The following CBL variants were observed in gnomAD, a reference collection of about 807,000 sequenced individuals.
CBL encodes Cbl proto-oncogene, also known as E3 ubiquitin-protein ligase CBL.
CBL carries 45 observed loss-of-function variants against 96.9 expected under a neutral mutation model. That is an observed-to-expected ratio of 0.46 (90% CI 0.37 to 0.60). The LOEUF (loss-of-function observed/expected upper bound fraction) is 0.60, where lower values mean the gene tolerates loss of function less well. CBL is among the 20% of genes least tolerant of loss of function. The pLI, the probability that CBL is intolerant of heterozygous loss-of-function variation, is 0.00. For synonymous variants in CBL, 420 were observed against 426.8 expected (o/e 0.98, Z 0.20); for missense variants, 1,024 against 1,143.5 (o/e 0.90, Z 1.51).
Position 119,301,730 on chromosome 11 carries a change from T to C in CBL, c.*1949T>C, listed in dbSNP as rs902721270. ...GGCATAAAGCGGCAAAGCCCACCAT[T>C]AGGTGAGGCGGTCCCGAGTTGAGGT... On this transcript the variant is annotated 3_prime_UTR_variant, in exon 16 of 16. Transcript: ENST00000264033. 1.3e-5 allele frequency: 3 copies of C among 233,146 alleles called. No homozygotes were observed. The highest frequency in any genetic ancestry group is 6.6e-5 in the African/African-American group (3 of 45,336). 14.4% of individuals were successfully genotyped at this position (233,146 alleles called of 1,614,324 possible). A position where few individuals can be genotyped will look rare whatever the true frequency, so the allele number is the denominator to read the frequency against.
At chr11:119,208,430 A>G (rs923814934) in intron 1 of CBL, among the ~76,000 whole-genome samples, 1 of 148,458 alleles carries the variant, frequency 6.7e-6, no homozygotes, top group Non-Finnish European at 1.5e-5. Flanking sequence ...CGCTCTTGTT[A>G]CCCAGGCTGG....
At position 119,307,257 on chromosome 11, in the gene CBL, C is replaced by T. The variant is rs955033895; in HGVS notation, c.*7476C>T. 3 of 232,522 alleles carry T rather than the reference C, an allele frequency of 1.3e-5. No individual in the cohort carries two copies. Among genetic ancestry groups the T allele is most frequent in the Non-Finnish European group, 1.7e-5 (2 of 117,346 alleles). 14.4% of individuals were successfully genotyped at this position (232,522 alleles called of 1,614,324 possible). A position where few individuals can be genotyped will look rare whatever the true frequency, so the allele number is the denominator to read the frequency against. On this transcript the variant is annotated 3_prime_UTR_variant, in exon 16 of 16. Transcript: ENST00000264033. ...TGCATGCCTTGTCTCCTGCAAAAGACAGAATGTTTCACAATTCCCAGGTAA... is the reference window on the plus strand; with the variant it reads ...TGCATGCCTTGTCTCCTGCAAAAGATAGAATGTTTCACAATTCCCAGGTAA...
rs1391209035 is a variant in CBL at position 119,307,785 on chromosome 11, A to G, written c.*8004A>G. The G allele has an allele frequency of 4.6e-6, 1 of 216,766 alleles. No individual in the cohort carries two copies. The highest frequency in any genetic ancestry group is 9.3e-6 in the Non-Finnish European group (1 of 107,474). The allele number at this position is 216,766 out of a possible 1,614,324, so 13.4% of individuals were successfully genotyped here. A position where few individuals can be genotyped will look rare whatever the true frequency, so the allele number is the denominator to read the frequency against. On this transcript the variant is annotated 3_prime_UTR_variant, in exon 16 of 16. Transcript: ENST00000264033. ...TGCTTTCTCCAGAATGAAGAGTCCC[A>G]ATTTGTATATCAGTGTTAAGAAGAA...
Position 119,273,867 on chromosome 11 carries a change from G to A in CBL, c.591-1G>A. The A allele has an allele frequency of 6.2e-7, 1 of 1,613,644 alleles. No individual in the cohort carries two copies. Among genetic ancestry groups the A allele is most frequent in the Non-Finnish European group, 8.5e-7 (1 of 1,179,642 alleles). On this transcript the variant is annotated splice_acceptor_variant, in intron 3 of 15. Transcript: ENST00000264033. LOFTEE classifies it high-confidence loss of function. The stretch of plus-strand genomic sequence containing the variant: ...ATGCCTCCTCTCCACCCCCTCCCCA[G>A]GACAATAGTCCCTTGGAAGAGCTTT...
chr11:119,272,808 T>C (rs1203318751), intron 3 of CBL, among the ~76,000 whole-genome samples: 1 of 152,198 alleles, frequency 6.6e-6, no homozygotes, highest in East Asian at 1.9e-4. Context: ...CTTTCTGTTA[T>C]TATAGGTTAC....
intron 2 of CBL, among the ~76,000 whole-genome samples, chr11:119,239,692 T>C (rs752987166): frequency 9.2e-5 from 14 of 152,182 alleles, no homozygotes; most frequent in Non-Finnish European, 1.6e-4. Context: ...CCTTTCACCA[T>C]TGAGTATATT....
chr11:119,261,984 TAAGA>T (rs1565867655), intron 2 of CBL, among the ~76,000 whole-genome samples: 2 of 152,150 alleles, frequency 1.3e-5, no homozygotes, highest in Non-Finnish European at 2.9e-5. Flanking sequence ...AAAAAAGATA[TAAGA>T]AAGAAGGTGT....
chr11:119,214,102 A>AT lies in CBL; in HGVS notation c.195+7490_195+7491insT, dbSNP rs1949339113. ...TGGGACTACAGGTGTGTGCTACCAC[A>AT]GCCGGCTAATTTTTGTATTTTTAGT... On this transcript the variant is annotated intron_variant, in intron 1 of 15. Transcript: ENST00000264033. 3.3e-5 allele frequency among the ~76,000 whole-genome samples: 5 copies of AT among 151,968 alleles called. No homozygotes were observed. The East Asian group carries it at 9.7e-4, about 29-fold the overall frequency.
Position 119,307,277 on chromosome 11 carries a change from A to T in CBL, c.*7496A>T, listed in dbSNP as rs1227726789. The T allele has an allele frequency of 8.6e-6, 2 of 232,580 alleles. No individual in the cohort carries two copies. Among genetic ancestry groups the T allele is most frequent in the East Asian group, 1.2e-4 (2 of 16,466 alleles). 14.4% of individuals were successfully genotyped at this position (232,580 alleles called of 1,614,324 possible). On this transcript the variant is annotated 3_prime_UTR_variant, in exon 16 of 16. Coordinates refer to ENST00000264033, the MANE Select transcript of CBL (RefSeq NM_005188.4). ...AAAGACAGAATGTTTCACAATTCCC[A>T]GGTAAACTCTGGACCATTCCAAGTG...
chr11:119,238,303 G>A (rs1161777891), intron 2 of CBL, among the ~76,000 whole-genome samples: 4 of 141,762 alleles, frequency 2.8e-5, no homozygotes, highest in East Asian at 2.2e-4. Flanking sequence ...TCTGCCTCCC[G>A]GGTTCAAGCG....
chr11:119,286,489 TC>T (rs1949985413), intron 11 of CBL, among the ~76,000 whole-genome samples: 1 of 152,222 alleles, frequency 6.6e-6, no homozygotes, highest in African/African-American at 2.4e-5. Context: ...CTGAAGTATT[TC>T]TTTGGAAAGT....
chr11:119,277,237 T>TCACACACA (rs1478200397), intron 6 of CBL, among the ~76,000 whole-genome samples: 2 of 57,882 alleles, frequency 3.5e-5, no homozygotes, highest in South Asian at 8.1e-4. Flanking sequence ...TAAGAATCTG[T>TCACACACA]CGCGCACACA....
intron 6 of CBL, among the ~76,000 whole-genome samples, chr11:119,277,104 G>A (rs1037543702): frequency 6.6e-6 from 1 of 152,090 alleles, no homozygotes; most frequent in African/African-American, 2.4e-5. Context: ...AAAGTTAGCC[G>A]GACGTGGTGG....
chr11:119,212,127 C>T (rs1234174287), intron 1 of CBL, among the ~76,000 whole-genome samples: 25 of 146,608 alleles, frequency 1.7e-4, no homozygotes, highest in Middle Eastern at 3.9e-3. Flanking sequence ...CCATGTTGGG[C>T]AGGCTGGTCT....
intron 2 of CBL, among the ~76,000 whole-genome samples, chr11:119,234,764 C>T (rs1949529905): frequency 2.0e-5 from 3 of 152,184 alleles, no homozygotes; most frequent in Admixed American, 2.0e-4. Context: ...GAGAACTCTT[C>T]TTAAAATAAA....
intron 2 of CBL, among the ~76,000 whole-genome samples, chr11:119,268,975 A>T (rs1949823483): frequency 6.6e-6 from 1 of 152,214 alleles, no homozygotes; most frequent in Non-Finnish European, 1.5e-5. Flanking sequence ...ACTACTTGAC[A>T]GAATGTTATG....
At chr11:119,292,636 G>A (rs965700439) in intron 12 of CBL, among the ~76,000 whole-genome samples, 6 of 151,952 alleles carry the variant, frequency 3.9e-5, no homozygotes, top group Admixed American at 2.0e-4. Context: ...GTTAGCCAGG[G>A]TGGTCTCAAT....
intron 12 of CBL, among the ~76,000 whole-genome samples, chr11:119,293,946 C>T (rs895282997): frequency 3.9e-5 from 6 of 152,104 alleles, no homozygotes; most frequent in Non-Finnish European, 5.9e-5. Context: ...ACTTTAAACG[C>T]CTAGTTCAAA....
intron 1 of CBL, among the ~76,000 whole-genome samples, chr11:119,225,416 G>T (rs12277928): frequency 0.36 from 54,413 of 151,770 alleles, 10,767 homozygotes; most frequent in South Asian, 0.6. Context: ...GTTTTTGTTT[G>T]GAGACAGGGT....
Sources: gnomAD v4.1 joint callset for allele counts (sites outside exome capture counted in the v4.1 genomes callset) on GRCh38, gnomAD v4.1.1 for gene constraint, MANE v1.5 for transcripts, NCBI Gene and HGNC (gene_info 2026-07-23, HGNC 2026-07-21) for gene names.